ZFHX3: variants seen among roughly 807,000 people sequenced by gnomAD.
The protein encoded by ZFHX3 is zinc finger homeobox protein 3.
Under a neutral mutation model 279.1 loss-of-function variants are expected in ZFHX3, and 42 were observed. The ratio of observed to expected loss-of-function variants is 0.15; its 90% CI spans 0.12 to 0.19. The LOEUF (loss-of-function observed/expected upper bound fraction) is 0.19. Ranked by LOEUF, ZFHX3 falls within the 10% of genes least tolerant of loss-of-function variation. The pLI is 1.00. For synonymous variants in ZFHX3, 2,293 were observed against 1,957.8 expected, an observed-to-expected ratio of 1.17 and a Z score of -4.52; for missense variants, 4,981 against 4,754.0, an observed-to-expected ratio of 1.05 and a Z score of -1.40.
intron 2 of ZFHX3, among the ~76,000 whole-genome samples, chr16:73,603,741 G>C (rs1037089074): frequency 6.8e-6 from 1 of 147,866 alleles, no homozygotes; most frequent in Non-Finnish European, 1.5e-5. Context: ...CAATCAATAT[G>C]CTTGTTAAAA....
At chr16:73,506,649 T>G (rs903766186) in intron 2 of ZFHX3, among the ~76,000 whole-genome samples, 1 of 152,154 alleles carries the variant, frequency 6.6e-6, no homozygotes, top group African/African-American at 2.4e-5. Flanking sequence ...CTTCACCACA[T>G]GTAGCCCTGA....
Position 72,794,323 on chromosome 16 carries a change from G to A in ZFHX3, c.8359C>T (p.Pro2787Ser), listed in dbSNP as rs200665174. The change falls in exon 9 of 10, where the codon CCT becomes TCT. Residue 2787 changes from proline to serine, a missense_variant. Pro to Ser is a moderately conservative substitution (Grantham distance 74). Transcript: ENST00000268489. This position sits in a 1 kb window ranked among gnomAD's most constrained non-coding sequence, Gnocchi z 4.2. ...GACAATTCCATGGTTTTACTCACAGGTGAGAGGGGGACACCCTGACCATCA... is the reference window on the plus strand; with the variant it reads ...GACAATTCCATGGTTTTACTCACAGATGAGAGGGGGACACCCTGACCATCA... ...SSDGQGVPLSPVSKTMELSPR... is the reference protein window; with the variant it reads ...SSDGQGVPLSSVSKTMELSPR... 5.0e-6 allele frequency: 8 copies of A among 1,606,408 alleles called. No homozygotes were observed. Among genetic ancestry groups the A allele is most frequent in the Non-Finnish European group, 6.8e-6 (8 of 1,175,860 alleles).
At chr16:73,715,270 A>G (rs1208038370) in intron 1 of ZFHX3, among the ~76,000 whole-genome samples, 2 of 152,188 alleles carry the variant, frequency 1.3e-5, no homozygotes, top group East Asian at 3.8e-4. Flanking sequence ...CTCACTGAAG[A>G]GCATCAAAGT....
At chr16:72,850,999 G>A (rs180773607) in intron 4 of ZFHX3, among the ~76,000 whole-genome samples, 7 of 152,108 alleles carry the variant, frequency 4.6e-5, no homozygotes, top group African/African-American at 9.7e-5. Context: ...CTGAGGCTGC[G>A]GTGCAGGGAC....
chr16:73,547,614 G>A (rs1211155099), intron 2 of ZFHX3, among the ~76,000 whole-genome samples: 1 of 152,118 alleles, frequency 6.6e-6, no homozygotes, highest in Non-Finnish European at 1.5e-5. Flanking sequence ...TCTTGATGGT[G>A]AGTAGGGCTT....
intron 2 of ZFHX3, among the ~76,000 whole-genome samples, chr16:73,566,674 T>C (rs1193895152): frequency 6.8e-6 from 1 of 147,978 alleles, no homozygotes; most frequent in Non-Finnish European, 1.5e-5. Flanking sequence ...GTGCAGACCA[T>C]CACACCAAGC....
At chr16:73,401,393 C>CACACACACACACACACAG (rs2017251048) in intron 3 of ZFHX3, 2 of 151,834 alleles carry the variant, frequency 1.3e-5, no homozygotes, top group Non-Finnish European at 2.9e-5. Context: ...CACACACACA[C>CACACACACACACACACAG]ACACACACAC....
At chr16:73,406,718 A>T (rs1181599260) in intron 3 of ZFHX3, among the ~76,000 whole-genome samples, 1 of 152,240 alleles carries the variant, frequency 6.6e-6, no homozygotes, top group East Asian at 1.9e-4. Context: ...AGATGTTACT[A>T]CAATTTTAGG....
At chr16:72,996,886 G>A (rs1963315595) in intron 1 of ZFHX3, among the ~76,000 whole-genome samples, 1 of 152,200 alleles carries the variant, frequency 6.6e-6, no homozygotes, top group Non-Finnish European at 1.5e-5. Context: ...GCCTCGTTTT[G>A]CTAGCCCTCT....
intron 3 of ZFHX3, among the ~76,000 whole-genome samples, chr16:73,340,152 C>T (rs573974178): frequency 6.4e-4 from 97 of 152,226 alleles, no homozygotes; most frequent in Non-Finnish European, 1.1e-3. Context: ...GAAGAACTTC[C>T]GGAGAACTAG....
rs1436221093 is a variant in ZFHX3, at chr16:73,131,623, G to A, written c.-1023-529C>T. ...TCACAGGGTGGGAGGGATATCCAGA[G>A]GAGAGGGCGAAAGCATCAAAGGAGC... On this transcript the variant is annotated intron_variant, in intron 6 of 17. Transcript: ENST00000641206. Among the ~76,000 whole-genome samples, 5 of 152,314 alleles carry A rather than the reference G, an allele frequency of 3.3e-5. No individual in the cohort carries two copies. In the East Asian group the frequency reaches 9.6e-4, roughly 29 times the overall value.
upstream of ZFHX3, chr16:73,062,138 G>A (rs769403410): frequency 6.6e-6 from 1 of 152,058 alleles, no homozygotes; most frequent in African/African-American, 2.4e-5. Flanking sequence ...TAGCTGGCAA[G>A]AGGGCAGAAA....
At chr16:72,868,406 G>C (rs1041222957) in intron 4 of ZFHX3, among the ~76,000 whole-genome samples, 4 of 152,158 alleles carry the variant, frequency 2.6e-5, no homozygotes, top group Admixed American at 2.0e-4. Context: ...CCTAAAAACA[G>C]CATTAAGTGT....
chr16:73,385,586 G>A (rs943540272), intron 3 of ZFHX3, among the ~76,000 whole-genome samples: 1 of 152,212 alleles, frequency 6.6e-6, no homozygotes, highest in Non-Finnish European at 1.5e-5. Context: ...ACTGAGCAAC[G>A]TGTTAGGTTT....
chr16:73,551,224 C>A (rs2020198862), intron 2 of ZFHX3, among the ~76,000 whole-genome samples: 1 of 152,040 alleles, frequency 6.6e-6, no homozygotes, highest in Non-Finnish European at 1.5e-5. Flanking sequence ...ACTGATATTG[C>A]ATGAGAAGGG....
chr16:73,070,915 TGC>T (rs1214080832), intron 8 of ZFHX3, among the ~76,000 whole-genome samples: 41 of 90,620 alleles, frequency 4.5e-4, no homozygotes, highest in African/African-American at 1.3e-3. Context: ...TAGACCGTCT[TGC>T]GCGCGCGCGC....
At chr16:73,763,860 G>A (rs1314298879) in intron 1 of ZFHX3, among the ~76,000 whole-genome samples, 1 of 148,568 alleles carries the variant, frequency 6.7e-6, no homozygotes, top group African/African-American at 2.5e-5. Flanking sequence ...GCTTCGAAGA[G>A]GCAAGCTGCC....
intron 3 of ZFHX3, among the ~76,000 whole-genome samples, chr16:72,913,927 C>G (rs931506614): frequency 3.9e-5 from 6 of 152,078 alleles, no homozygotes; most frequent in Admixed American, 3.9e-4. Context: ...AGATATTAGC[C>G]CATTTAATCC....
At chr16:72,998,328 G>A (rs931797804) in intron 1 of ZFHX3, among the ~76,000 whole-genome samples, 4 of 152,094 alleles carry the variant, frequency 2.6e-5, no homozygotes, top group Admixed American at 2.6e-4. Flanking sequence ...TTGAATCCAG[G>A]AGGCAGAGTT....
Sources: gnomAD v4.1 joint callset for allele counts (sites outside exome capture counted in the v4.1 genomes callset) on GRCh38, gnomAD v4.1.1 for gene constraint, Gnocchi (gnomAD v3.1) non-coding constraint, MANE v1.5 for transcripts, NCBI Gene and HGNC (gene_info 2026-07-23, HGNC 2026-07-21) for gene names.